Variants in SYT7 observed in about 807,000 individuals in gnomAD.
SYT7 encodes the protein synaptotagmin-7.
In SYT7, 29 loss-of-function variants were observed where a neutral mutation model predicts 75.1. That is an observed-to-expected ratio of 0.39 (90% CI 0.29 to 0.53). The LOEUF is 0.53. Ranked by LOEUF, SYT7 falls within the 20% of genes least tolerant of loss-of-function variation. The pLI is 0.77. For synonymous variants in SYT7, 376 were observed against 401.7 expected, an observed-to-expected ratio of 0.94 and a Z score of 0.76; for missense variants, 693 against 953.2, an observed-to-expected ratio of 0.73 and a Z score of 3.59.
intron 6 of SYT7, 117 bp from the exon 7 acceptor site, chr11:61,538,383 G>GAGAT (rs2062941540): frequency 3.6e-6 from 3 of 825,082 alleles, no homozygotes; most frequent in Non-Finnish European, 5.4e-6. Flanking sequence ...GAGAGAGAGA[G>GAGAT]AGAGAAAGAG....
the SYT7 span, among the ~76,000 whole-genome samples, chr11:61,587,954 A>T: frequency 1.3e-5 from 2 of 152,194 alleles, no homozygotes; most frequent in African/African-American, 2.4e-5. Flanking sequence ...TCTCTGAGGG[A>T]TCCCCAACCC....
At chr11:61,554,822 G>A (rs894470848) in intron 2 of SYT7, among the ~76,000 whole-genome samples, 6 of 152,176 alleles carry the variant, frequency 3.9e-5, no homozygotes, top group African/African-American at 1.4e-4. Flanking sequence ...ATCGGGTCAT[G>A]CACACACTTG....
intron 1 of SYT7, among the ~76,000 whole-genome samples, chr11:61,567,444 A>G (rs1038070743): frequency 2.0e-5 from 3 of 151,818 alleles, no homozygotes; most frequent in Admixed American, 1.3e-4. Flanking sequence ...GCCCTCTTCC[A>G]GGTCGCCCTT....
At chr11:61,533,521 C>T (rs1163886085) in intron 7 of SYT7, 5 of 985,336 alleles carry the variant, frequency 5.1e-6, no homozygotes, top group Non-Finnish European at 4.8e-6. Context: ...GAGGCTCCAC[C>T]GTGGTGTGGT....
At position 61,524,259 on chromosome 11, in the gene SYT7, C is replaced by G; in HGVS notation, c.1641+104G>C. On this transcript the variant is annotated intron_variant, in intron 10 of 12. Coordinates refer to ENST00000539008, the MANE Select transcript of SYT7 (RefSeq NM_001365809.2). This position sits in a 1 kb window ranked among gnomAD's most constrained non-coding sequence, Gnocchi z 4.1. ...TCGGGTCCACCCATCTGCACCCTCT[C>G]CCACAGCCCTCCTGGCCTTCCTAAG... is the stretch of plus-strand genomic sequence containing the variant. 7.1e-7 allele frequency: 1 copy of G among 1,413,476 alleles called. No individual in the cohort carries two copies. Among genetic ancestry groups the G allele is most frequent in the Non-Finnish European group, 9.6e-7 (1 of 1,040,708 alleles). 87.6% of individuals were successfully genotyped at this position (1,413,476 alleles called of 1,614,324 possible). A position where few individuals can be genotyped will look rare whatever the true frequency, so the allele number is the denominator to read the frequency against.
intron 5 of SYT7, among the ~76,000 whole-genome samples, chr11:61,545,072 G>A (rs148502902): frequency 2.1e-3 from 318 of 152,322 alleles, no homozygotes; most frequent in African/African-American, 7.3e-3. Context: ...TACCCCAAGG[G>A]AGACTGGTCA....
At chr11:61,568,834 C>T (rs752494321) in intron 1 of SYT7, among the ~76,000 whole-genome samples, 5 of 152,202 alleles carry the variant, frequency 3.3e-5, no homozygotes, top group African/African-American at 4.8e-5. Context: ...CTGAATTGAC[C>T]CTCATGATCT....
At position 61,581,060 on chromosome 11, in the gene SYT7, CTGCGCGCCGCGTG is replaced by C. The variant is rs965731555; in HGVS notation, c.-253_-241del. Reference sequence around the variant, plus strand: ...CAGCGCCGAGCCGCCTCCCTCCGGCCTGCGCGCCGCGTGTGCGCGCCGGAGCGTGTGTGTGTGT... The same window carrying C: ...CAGCGCCGAGCCGCCTCCCTCCGGCCTGCGCGCCGGAGCGTGTGTGTGTGT... On this transcript the variant is annotated 5_prime_UTR_variant, in exon 1 of 13. Transcript: ENST00000539008. 3 of 567,210 alleles carry C rather than the reference CTGCGCGCCGCGTG, an allele frequency of 5.3e-6. No homozygotes were observed. Among genetic ancestry groups the C allele is most frequent in the South Asian group, 7.3e-5 (1 of 13,712 alleles). 35.1% of individuals were successfully genotyped at this position (567,210 alleles called of 1,614,324 possible).
intron 8 of SYT7, among the ~76,000 whole-genome samples, chr11:61,532,335 G>GC (rs1197066061): frequency 1.3e-5 from 2 of 152,122 alleles, no homozygotes; most frequent in Non-Finnish European, 2.9e-5. Flanking sequence ...ACTCACTGCT[G>GC]CCCCCCTGGG....
chr11:61,562,964 C>T (rs2135387507), intron 1 of SYT7, among the ~76,000 whole-genome samples: 1 of 152,282 alleles, frequency 6.6e-6, no homozygotes, highest in African/African-American at 2.4e-5. Flanking sequence ...AGGGCAAGCT[C>T]ACCAGCTGCC....
chr11:61,547,585 C>T lies in SYT7; in HGVS notation c.216-277G>A, dbSNP rs564646385. On this transcript the variant is annotated intron_variant, in intron 3 of 12. Transcript: ENST00000539008. ...GGAAGCCACACAGAAAGGAGGCAAGCGGCAGGCGGCAGACTGGAGCCTCGC... is the reference window on the plus strand; with the variant it reads ...GGAAGCCACACAGAAAGGAGGCAAGTGGCAGGCGGCAGACTGGAGCCTCGC... Among the ~76,000 whole-genome samples, 12 of 151,230 alleles carry T rather than the reference C, an allele frequency of 7.9e-5. No individual in the cohort carries two copies. The East Asian group carries it at 2.0e-3, about 25-fold the overall frequency.
chr11:61,540,442 G>A, intron 6 of SYT7: 1 of 866,880 alleles, frequency 1.2e-6, no homozygotes, highest in Non-Finnish European at 1.4e-6. Context: ...AAAAGAATAT[G>A]TGATGATCAC....
chr11:61,546,750 A>ACCG lies in SYT7; in HGVS notation c.347+424_347+426dup. 1 of 418,702 alleles carries ACCG rather than the reference A, an allele frequency of 2.4e-6. No homozygotes were observed. Among genetic ancestry groups the ACCG allele is most frequent in the South Asian group, 1.7e-5 (1 of 58,260 alleles). The allele number at this position is 418,702 out of a possible 1,614,324, so 25.9% of individuals were successfully genotyped here. A position where few individuals can be genotyped will look rare whatever the true frequency, so the allele number is the denominator to read the frequency against. Reference sequence around the variant, plus strand: ...CACCACCACCACCATCACCGCCACCACCGCCACGAACCACCGACCACCGAC... The same window carrying ACCG: ...CACCACCACCACCATCACCGCCACCACCGCCGCCACGAACCACCGACCACCGAC... On this transcript the variant is annotated intron_variant, in intron 4 of 12. Transcript: ENST00000539008. The surrounding 1 kb of genome is among the most constrained non-coding windows in gnomAD (Gnocchi z 7.6).
rs993943948 is a variant in SYT7 at position 61,551,177 on chromosome 11, C to T, written c.215+207G>A. Among the ~76,000 whole-genome samples, 9 of 152,044 alleles carry T rather than the reference C, an allele frequency of 5.9e-5. No homozygotes were observed. Among genetic ancestry groups the T allele is most frequent in the Middle Eastern group, 3.4e-3 (1 of 294 alleles). On this transcript the variant is annotated intron_variant, in intron 3 of 12. Coordinates refer to ENST00000539008, the MANE Select transcript of SYT7 (RefSeq NM_001365809.2). This position sits in a 1 kb window ranked among gnomAD's most constrained non-coding sequence, Gnocchi z 5.3. ...CAGCGGAAACGGAGGCCAGGGACTC[C>T]GGAGCACTACGAGGGGCTTGGGCAC...
At chr11:61,557,329 G>A (rs1323317270) in intron 1 of SYT7, among the ~76,000 whole-genome samples, 1 of 152,238 alleles carries the variant, frequency 6.6e-6, no homozygotes, top group Non-Finnish European at 1.5e-5. Context: ...TGGTGCCAGT[G>A]ATCATGGTAA....
intron 7 of SYT7, among the ~76,000 whole-genome samples, chr11:61,536,573 CA>C (rs1321861530): frequency 3.3e-5 from 5 of 152,200 alleles, no homozygotes; most frequent in Non-Finnish European, 7.4e-5. Flanking sequence ...CCAGGTGGGT[CA>C]GGGGTGGCAG....
chr11:61,586,283 G>A, the SYT7 span, among the ~76,000 whole-genome samples: 9 of 152,172 alleles, frequency 5.9e-5, no homozygotes, highest in African/African-American at 2.2e-4. Flanking sequence ...TCCTTCTTCT[G>A]CCTTGGGACA....
At chr11:61,575,373 G>A (rs2064042138) in intron 1 of SYT7, among the ~76,000 whole-genome samples, 1 of 152,174 alleles carries the variant, frequency 6.6e-6, no homozygotes, top group South Asian at 2.1e-4. Flanking sequence ...GAGATGATAG[G>A]CAGCCCTCCT....
intron 1 of SYT7, among the ~76,000 whole-genome samples, chr11:61,559,764 G>A (rs1007233729): frequency 2.0e-5 from 3 of 152,182 alleles, no homozygotes; most frequent in African/African-American, 7.2e-5. Flanking sequence ...AGGTCAGAGA[G>A]TCCCTAGGGA....
Sources: allele counts gnomAD v4.1 joint callset (sites outside exome capture counted in the v4.1 genomes callset), GRCh38; gene constraint gnomAD v4.1.1; non-coding constraint Gnocchi (gnomAD v3.1); transcripts MANE v1.5; gene names NCBI Gene and HGNC (gene_info 2026-07-23, HGNC 2026-07-21).